MSR1: variants seen among roughly 807,000 people sequenced by gnomAD.
MSR1 encodes macrophage scavenger receptor 1, also known as macrophage scavenger receptor types I and II.
A neutral mutation model predicts 47.2 loss-of-function variants in MSR1; 53 were observed. The ratio of observed to expected loss-of-function variants is 1.12; its 90% CI spans 0.90 to 1.41. The LOEUF (loss-of-function observed/expected upper bound fraction) is 1.41. Ranked by LOEUF, MSR1 falls within the 40% of genes most tolerant of loss-of-function variation. The pLI is 0.00. For synonymous variants in MSR1, 239 were observed against 185.6 expected, an observed-to-expected ratio of 1.29 and a Z score of -2.34; for missense variants, 786 against 546.9, an observed-to-expected ratio of 1.44 and a Z score of -4.36.
chr8:16,145,758 A>T (rs759628809), intron 7 of MSR1, among the ~76,000 whole-genome samples: 1 of 152,106 alleles, frequency 6.6e-6, no homozygotes, highest in Non-Finnish European at 1.5e-5. Context: ...TGATTCAGAG[A>T]TTTGCTTACC....
chr8:16,185,649 T>C (rs1453791042), intron 1 of MSR1, among the ~76,000 whole-genome samples: 1 of 152,062 alleles, frequency 6.6e-6, no homozygotes, highest in Non-Finnish European at 1.5e-5. Flanking sequence ...ATTCCTTCCA[T>C]TCTATTCCAA....
intron 8 of MSR1, 161 bp from the exon 9 acceptor site, chr8:16,120,767 C>A (rs1158586220): frequency 2.2e-6 from 2 of 914,444 alleles, no homozygotes; most frequent in Middle Eastern, 3.5e-4. Flanking sequence ...TCTAGCACCA[C>A]CTATTGGTAA....
At chr8:16,169,517 TA>T (rs2117185560) in intron 3 of MSR1, among the ~76,000 whole-genome samples, 1 of 152,204 alleles carries the variant, frequency 6.6e-6, no homozygotes, top group African/African-American at 2.4e-5. Context: ...TTAACTATTA[TA>T]AAATATATAT....
intron 8 of MSR1, among the ~76,000 whole-genome samples, chr8:16,143,000 T>A (rs1315165294): frequency 6.6e-6 from 1 of 152,196 alleles, no homozygotes; most frequent in African/African-American, 2.4e-5. Flanking sequence ...TAAGGTCCAA[T>A]TAACAGGTTG....
intron 7 of MSR1, among the ~76,000 whole-genome samples, chr8:16,149,660 T>C (rs1213801314): frequency 1.3e-5 from 2 of 151,916 alleles, no homozygotes; most frequent in Non-Finnish European, 2.9e-5. Context: ...AATATCATCA[T>C]GTGTGTACAT....
chr8:16,168,018 C>T (rs1801366009), intron 4 of MSR1, among the ~76,000 whole-genome samples: 1 of 152,076 alleles, frequency 6.6e-6, no homozygotes, highest in African/African-American at 2.4e-5. Context: ...CTTCTGACAC[C>T]TTAAGGTGAG....
At chr8:16,118,270 T>A (rs1799922272) in intron 9 of MSR1, among the ~76,000 whole-genome samples, 1 of 152,216 alleles carries the variant, frequency 6.6e-6, no homozygotes, top group East Asian at 1.9e-4. Flanking sequence ...ATTTACCAGG[T>A]GACTAAGAGC....
intron 8 of MSR1, among the ~76,000 whole-genome samples, chr8:16,124,136 T>C (rs1367036756): frequency 6.6e-6 from 1 of 152,202 alleles, no homozygotes; most frequent in East Asian, 1.9e-4. Context: ...AGTTCTTCTA[T>C]GGCCTAGTTT....
chr8:16,126,459 C>T (rs1800131334), intron 8 of MSR1, among the ~76,000 whole-genome samples: 1 of 151,806 alleles, frequency 6.6e-6, no homozygotes, highest in Admixed American at 6.6e-5. Flanking sequence ...AAACATAATA[C>T]AGAAATTAAA....
chr8:16,119,614 G>T (rs988891799), intron 9 of MSR1, among the ~76,000 whole-genome samples: 15 of 152,068 alleles, frequency 9.9e-5, no homozygotes, highest in African/African-American at 3.6e-4. Flanking sequence ...ACAATGCGTG[G>T]CATATAGTCA....
intron 8 of MSR1, among the ~76,000 whole-genome samples, chr8:16,137,047 A>AT (rs1800407117): frequency 6.6e-6 from 1 of 151,922 alleles, no homozygotes; most frequent in Admixed American, 6.6e-5. Context: ...GGAGTTAAAA[A>AT]AAAAGACACA....
At chr8:16,157,609 T>A (rs989819386) in intron 5 of MSR1, among the ~76,000 whole-genome samples, 3 of 151,970 alleles carry the variant, frequency 2.0e-5, no homozygotes, top group Admixed American at 2.0e-4. Flanking sequence ...GTTGGAAGGA[T>A]CTCAATAAAT....
chr8:16,123,938 G>C (rs1431835169), intron 8 of MSR1, among the ~76,000 whole-genome samples: 1 of 152,066 alleles, frequency 6.6e-6, no homozygotes, highest in Non-Finnish European at 1.5e-5. Flanking sequence ...TTGCAAGCTA[G>C]ATATCTTTGC....
At chr8:16,140,562 A>C (rs754285173) in intron 8 of MSR1, 42 of 1,040,664 alleles carry the variant, frequency 4.0e-5, no homozygotes, top group Non-Finnish European at 4.7e-5. Flanking sequence ...CACAAGTGTT[A>C]TATTGTATGG....
intron 8 of MSR1, among the ~76,000 whole-genome samples, chr8:16,143,134 G>A (rs1300388516): frequency 6.6e-6 from 1 of 151,996 alleles, no homozygotes; most frequent in Non-Finnish European, 1.5e-5. Context: ...AAAAATAAAC[G>A]AAGAGCCCCA....
rs377448730 is a variant in MSR1, at chr8:16,175,214, G to C, written c.190C>G (p.Leu64Val). 31 of 1,613,840 alleles carry C rather than the reference G, an allele frequency of 1.9e-5. No homozygotes were observed. Among genetic ancestry groups the C allele is most frequent in the African/African-American group, 1.2e-4 (9 of 74,874 alleles). Residue 64 changes from leucine to valine, a missense_variant, in exon 3 of 10, where the codon CTC (leucine) becomes GTC (valine). Physicochemically the swap from Leu to Val is conservative, Grantham distance 32 (BLOSUM62 1). Transcript: ENST00000262101. ...IALYLLVFAVLIPLIGIVAAQ... is the reference protein window; with the variant it reads ...IALYLLVFAVVIPLIGIVAAQ... ...GCCACTATTCCAATGAGAGGGATGA[G>C]AACTGCAAACACGAGGAGGTAAAGG...
chr8:16,164,170 G>T lies in MSR1; in HGVS notation c.712C>A (p.Gln238Lys). ...AMKEEQVHLEQEIKGEVKVLN... is the reference protein window; with the variant it reads ...AMKEEQVHLEKEIKGEVKVLN... Reference sequence around the variant, plus strand: ...ACTTTCACTTCTCCTTTTATTTCCTGTTCCAAATGCACTTGTTCTTCTTTC... The same window carrying T: ...ACTTTCACTTCTCCTTTTATTTCCTTTTCCAAATGCACTTGTTCTTCTTTC... Residue 238 changes from glutamine to lysine, a missense_variant, in exon 5 of 10, where the codon CAG (glutamine) becomes AAG (lysine). By Grantham distance (53) the Gln-to-Lys change is moderately conservative. Coordinates refer to ENST00000262101, the MANE Select transcript of MSR1 (RefSeq NM_138715.3). 1.9e-6 allele frequency: 3 copies of T among 1,611,954 alleles called. No homozygotes were observed. The highest frequency in any genetic ancestry group is 1.3e-5 in the African/African-American group (1 of 74,942).
intron 9 of MSR1, among the ~76,000 whole-genome samples, chr8:16,114,964 G>C (rs542857000): frequency 6.6e-6 from 1 of 151,838 alleles, no homozygotes; most frequent in Non-Finnish European, 1.5e-5. Flanking sequence ...GATCTCGTGC[G>C]GTCAGGAGTT....
chr8:16,175,399 T>C (rs1455646097), intron 2 of MSR1, 99 bp from the exon 3 acceptor site: 2 of 992,074 alleles, frequency 2.0e-6, no homozygotes, highest in Non-Finnish European at 3.1e-6. Flanking sequence ...CTACCAAGCC[T>C]ATTGGAATAA....
Sources: gnomAD v4.1 joint callset for allele counts (sites outside exome capture counted in the v4.1 genomes callset) on GRCh38, gnomAD v4.1.1 for gene constraint, MANE v1.5 for transcripts, NCBI Gene and HGNC (gene_info 2026-07-23, HGNC 2026-07-21) for gene names.